SPATA9: variants seen among roughly 807,000 people sequenced by gnomAD.
SPATA9 encodes spermatogenesis associated 9.
A neutral mutation model predicts 25.5 loss-of-function variants in SPATA9; 27 were observed. The observed-to-expected ratio is 1.06, with a 90% CI of 0.78 to 1.46. The LOEUF is 1.46. SPATA9 is among the 40% of genes most tolerant of loss of function. The pLI is 0.00. For synonymous variants in SPATA9, 102 were observed against 105.7 expected (o/e 0.97, Z 0.21); for missense variants, 282 against 297.5 (o/e 0.95, Z 0.38).
chr5:95,698,337 C>T lies in SPATA9; in HGVS notation n.124+251G>A, dbSNP rs1053798109. Among the ~76,000 whole-genome samples the T allele has an allele frequency of 5.3e-5, 8 of 152,276 alleles. No individual in the cohort carries two copies. The East Asian group carries it at 5.8e-4, about 11-fold the overall frequency. On this transcript the variant is annotated intron_variant and non_coding_transcript_variant, in intron 1 of 2. Transcript: ENST00000379990. ...AAGAGAGGGAAGGCTAAGTTCACAGCAAGCTGTGGACTTGATGCAAGCATC... is the reference window on the plus strand; with the variant it reads ...AAGAGAGGGAAGGCTAAGTTCACAGTAAGCTGTGGACTTGATGCAAGCATC...
intron 1 of SPATA9, among the ~76,000 whole-genome samples, chr5:95,688,512 A>C (rs73149652): frequency 0.012 from 1,871 of 152,252 alleles, 32 homozygotes; most frequent in African/African-American, 0.042. Flanking sequence ...TTGGTCTCCT[A>C]ATATGCTTGG....
upstream of SPATA9, among the ~76,000 whole-genome samples, chr5:95,686,954 C>G (rs1483436781): frequency 4.6e-5 from 7 of 152,042 alleles, no homozygotes; most frequent in African/African-American, 1.2e-4. Flanking sequence ...CTTTCACGGA[C>G]AGCAAAACAA....
upstream of SPATA9, among the ~76,000 whole-genome samples, chr5:95,683,374 G>A (rs767410867): frequency 6.6e-6 from 1 of 152,278 alleles, no homozygotes; most frequent in East Asian, 1.9e-4. Context: ...AAACTGTAAA[G>A]TCTTTGGTTT....
At chr5:95,707,618 T>C in the SPATA9 span, among the ~76,000 whole-genome samples, 1 of 152,156 alleles carries the variant, frequency 6.6e-6, no homozygotes, top group Non-Finnish European at 1.5e-5. Context: ...CCCGGGGCTT[T>C]GGGCGTTATC....
At position 95,675,450 on chromosome 5, in the gene SPATA9, C is replaced by G; in HGVS notation, c.340G>C (p.Glu114Gln). The G allele has an allele frequency of 6.2e-7, 1 of 1,614,170 alleles. No individual in the cohort carries two copies. Among genetic ancestry groups the G allele is most frequent in the Non-Finnish European group, 8.5e-7 (1 of 1,180,030 alleles). The change falls in exon 3 of 5, where the codon GAA (glutamate) becomes CAA (glutamine). Residue 114 changes from glutamate to glutamine, a missense_variant. Physicochemically the swap from Glu to Gln is conservative, Grantham distance 29. Transcript: ENST00000274432. ...AGGGGTTGCCTCGGCGCATTAACTT[C>G]CCTCAGCAGACGACCAGATATGTCC... ...LRDISGRLLR[E>Q]VNAPRQPLYN...
chr5:95,702,643 A>G (rs981702593), upstream of SPATA9, among the ~76,000 whole-genome samples: 1 of 152,192 alleles, frequency 6.6e-6, no homozygotes, highest in Admixed American at 6.5e-5. Context: ...TCAGAGGCCA[A>G]TGCAGGACCA....
At chr5:95,667,892 C>G (rs192499035) in intron 3 of SPATA9, among the ~76,000 whole-genome samples, 75 of 152,202 alleles carry the variant, frequency 4.9e-4, no homozygotes, top group Middle Eastern at 6.8e-3. Context: ...AGTGAATTCT[C>G]ATGATATCTA....
chr5:95,697,965 G>A (rs1465043428), intron 1 of SPATA9, among the ~76,000 whole-genome samples: 1 of 150,400 alleles, frequency 6.6e-6, no homozygotes, highest in Non-Finnish European at 1.5e-5. Flanking sequence ...AGGCAATCAT[G>A]TGTTTCAGTA....
upstream of SPATA9, among the ~76,000 whole-genome samples, chr5:95,685,266 G>A (rs945145747): frequency 1.3e-5 from 2 of 152,176 alleles, no homozygotes; most frequent in African/African-American, 2.4e-5. Flanking sequence ...GGGCTTGCCC[G>A]ATTCACCTGG....
downstream of SPATA9, chr5:95,652,856 T>C: frequency 2.4e-6 from 1 of 423,778 alleles, no homozygotes; most frequent in Non-Finnish European, 4.1e-6. Context: ...AGCTTTCTGA[T>C]TTCTGGGCAT....
chr5:95,729,655 T>C, the SPATA9 span, among the ~76,000 whole-genome samples: 1 of 152,280 alleles, frequency 6.6e-6, no homozygotes, highest in East Asian at 1.9e-4. Context: ...TGAAACACTA[T>C]ACCTGTTGAA....
intron 1 of SPATA9, among the ~76,000 whole-genome samples, chr5:95,694,545 T>C (rs169882): frequency 0.57 from 86,439 of 152,008 alleles, 24,753 homozygotes; most frequent in East Asian, 0.8. Context: ...AAACCCAACA[T>C]TGCCAGCAAG....
chr5:95,716,243 C>T, the SPATA9 span, among the ~76,000 whole-genome samples: 7 of 152,290 alleles, frequency 4.6e-5, no homozygotes, highest in East Asian at 1.3e-3. Flanking sequence ...CTAGAAAAGC[C>T]ACAGACGCTC....
the SPATA9 span, among the ~76,000 whole-genome samples, chr5:95,728,100 C>CT: frequency 3.3e-5 from 5 of 152,338 alleles, no homozygotes; most frequent in East Asian, 9.6e-4. Context: ...GTGGCCCTAC[C>CT]TATATGCACA....
At chr5:95,690,737 T>C (rs1753860021) in intron 1 of SPATA9, among the ~76,000 whole-genome samples, 1 of 152,250 alleles carries the variant, frequency 6.6e-6, no homozygotes, top group African/African-American at 2.4e-5. Context: ...TTTAGATTTA[T>C]CTTCCAGTTT....
the SPATA9 span, among the ~76,000 whole-genome samples, chr5:95,726,670 G>C: frequency 6.6e-6 from 1 of 152,186 alleles, no homozygotes; most frequent in East Asian, 1.9e-4. Context: ...AGAAACATCA[G>C]CTTGGCTGGG....
At chr5:95,667,172 C>G (rs1039112667) in intron 3 of SPATA9, among the ~76,000 whole-genome samples, 2 of 152,108 alleles carry the variant, frequency 1.3e-5, no homozygotes, top group African/African-American at 4.8e-5. Flanking sequence ...ATGTGTACAT[C>G]CTGTTCTAGT....
At chr5:95,711,740 C>G in the SPATA9 span, among the ~76,000 whole-genome samples, 1 of 152,188 alleles carries the variant, frequency 6.6e-6, no homozygotes, top group South Asian at 2.1e-4. Flanking sequence ...GAGGCGAAAA[C>G]GCGGCCTGGC....
At chr5:95,684,280 C>A (rs1753670189), upstream of SPATA9, among the ~76,000 whole-genome samples, 3 of 152,154 alleles carry the variant, frequency 2.0e-5, no homozygotes, top group South Asian at 6.2e-4. Flanking sequence ...TCTGTCCTAG[C>A]AAGATAGTTG....
Sources: gnomAD v4.1 joint callset for allele counts (sites outside exome capture counted in the v4.1 genomes callset) on GRCh38, gnomAD v4.1.1 for gene constraint, MANE v1.5 for transcripts, NCBI Gene and HGNC (gene_info 2026-07-23, HGNC 2026-07-21) for gene names.